The following CTNNA3 variants were observed in gnomAD, a reference collection of about 807,000 sequenced individuals.
The protein encoded by CTNNA3 is catenin alpha-3.
CTNNA3 carries 76 observed loss-of-function variants against 95.7 expected under a neutral mutation model. That is an observed-to-expected ratio of 0.79 (90% CI 0.66 to 0.96). The LOEUF (loss-of-function observed/expected upper bound fraction) is 0.96. CTNNA3 is among the 40% of genes least tolerant of loss of function. The pLI, the probability that CTNNA3 is intolerant of heterozygous loss-of-function variation, is 0.00. For missense variants in CTNNA3, 1,191 were observed against 1,089.8 expected (o/e 1.09, Z -1.31); for synonymous variants, 431 against 374.4 (o/e 1.15, Z -1.74).
chr10:66,628,710 C>T (rs1360996796), intron 9 of CTNNA3, among the ~76,000 whole-genome samples: 2 of 152,058 alleles, frequency 1.3e-5, no homozygotes, highest in Non-Finnish European at 2.9e-5. Flanking sequence ...CCCTTGGACA[C>T]AGTAGTAAGT....
intron 1 of CTNNA3, chr10:67,648,830 GAC>G (rs765047387): frequency 3.2e-5 from 41 of 1,270,320 alleles, no homozygotes; most frequent in Non-Finnish European, 4.2e-5. Context: ...CAATGTAAGA[GAC>G]ACGCTTCAAG....
In CTNNA3 at chr10:66,690,165, T is replaced by C. The variant is rs2132533086; in HGVS notation, c.1282-68381A>G. Among the ~76,000 whole-genome samples, 3 of 152,202 alleles carry C rather than the reference T, an allele frequency of 2.0e-5. No individual in the cohort carries two copies. In the East Asian group the frequency reaches 5.8e-4, roughly 29 times the overall value. On this transcript the variant is annotated intron_variant, in intron 9 of 17. Transcript: ENST00000433211. ...CTGGGAGTATGCATGTATATGTGTG[T>C]ATTTGGGTATATGTTGAATGAAGGT...
intron 10 of CTNNA3, among the ~76,000 whole-genome samples, chr10:66,553,762 C>T (rs1431372672): frequency 1.3e-5 from 2 of 151,638 alleles, no homozygotes; most frequent in Non-Finnish European, 1.5e-5. Flanking sequence ...CTCCTGACCT[C>T]GTGATCCACC....
At position 67,149,044 on chromosome 10, in the gene CTNNA3, T is replaced by A. The variant is rs531899737; in HGVS notation, c.1047+31273A>T. Among the ~76,000 whole-genome samples the A allele has an allele frequency of 3.1e-3, 479 of 152,350 alleles. 2 individuals carry two copies. The highest frequency in any genetic ancestry group is 0.011 in the African/African-American group (458 of 41,586). ...GTGACCATTGTTAACAACACTCAGGTAATGTGAAAGGCAAGAAAAGCAGGG... is the reference window on the plus strand; with the variant it reads ...GTGACCATTGTTAACAACACTCAGGAAATGTGAAAGGCAAGAAAAGCAGGG... On this transcript the variant is annotated intron_variant, in intron 7 of 17. Transcript: ENST00000433211.
At chr10:66,481,696 C>A (rs4314951) in intron 11 of CTNNA3, among the ~76,000 whole-genome samples, 23,571 of 149,550 alleles carry the variant, frequency 0.16, 5,090 homozygotes, top group East Asian at 0.82. Flanking sequence ...TGGTCTCGAT[C>A]TCCTGACCTC....
At chr10:67,287,020 C>T (rs1324233672) in intron 5 of CTNNA3, among the ~76,000 whole-genome samples, 4 of 152,018 alleles carry the variant, frequency 2.6e-5, no homozygotes, top group Admixed American at 6.6e-5. Flanking sequence ...TTCTGCTGAG[C>T]GACTCCATGG....
intron 7 of CTNNA3, among the ~76,000 whole-genome samples, chr10:67,157,104 A>G (rs555795328): frequency 1.3e-5 from 2 of 152,172 alleles, no homozygotes; most frequent in Non-Finnish European, 2.9e-5. Flanking sequence ...AGTTAGAGCA[A>G]TTAGGCAAGA....
intron 5 of CTNNA3, among the ~76,000 whole-genome samples, chr10:67,287,506 G>A (rs1839654446): frequency 6.6e-6 from 1 of 152,048 alleles, no homozygotes; most frequent in Non-Finnish European, 1.5e-5. Flanking sequence ...TATTGTGTAT[G>A]TTCACCATAA....
chr10:67,234,525 C>A (rs1473462895), intron 5 of CTNNA3, among the ~76,000 whole-genome samples: 1 of 152,082 alleles, frequency 6.6e-6, no homozygotes, highest in South Asian at 2.1e-4. Context: ...AAATAATAAG[C>A]ACTATCTATG....
chr10:66,647,786 T>C (rs1043730747), intron 9 of CTNNA3, among the ~76,000 whole-genome samples: 1 of 152,084 alleles, frequency 6.6e-6, no homozygotes, highest in African/African-American at 2.4e-5. Context: ...CCCCAAGTAC[T>C]GGGATTACAG....
intron 3 of CTNNA3, among the ~76,000 whole-genome samples, chr10:67,558,900 G>A (rs1841364166): frequency 6.6e-6 from 1 of 152,232 alleles, no homozygotes; most frequent in Admixed American, 6.5e-5. Context: ...ACATCAGGCT[G>A]AGATCAAACT....
chr10:66,598,717 A>G (rs746839269), intron 10 of CTNNA3, among the ~76,000 whole-genome samples: 1 of 152,030 alleles, frequency 6.6e-6, no homozygotes, highest in Non-Finnish European at 1.5e-5. Flanking sequence ...GGATACTAAA[A>G]ACTAGAAAAA....
At chr10:66,991,588 G>T (rs968153795) in intron 7 of CTNNA3, among the ~76,000 whole-genome samples, 1 of 152,116 alleles carries the variant, frequency 6.6e-6, no homozygotes, top group Non-Finnish European at 1.5e-5. Context: ...TTTCGCTCTT[G>T]TTGCCCAGGC....
intron 1 of CTNNA3, among the ~76,000 whole-genome samples, chr10:67,721,555 C>A (rs984064027): frequency 7.9e-5 from 12 of 152,228 alleles, no homozygotes; most frequent in African/African-American, 2.9e-4. Flanking sequence ...TTAGCAATTC[C>A]TCTAACCTTT....
chr10:66,085,334 C>T (rs151143201), intron 14 of CTNNA3, among the ~76,000 whole-genome samples: 4 of 152,086 alleles, frequency 2.6e-5, no homozygotes, highest in African/African-American at 9.6e-5. Context: ...ATTGAGAAGG[C>T]ACTGAGGTAG....
chr10:66,787,689 G>T (rs953242394), intron 7 of CTNNA3, among the ~76,000 whole-genome samples: 7 of 152,160 alleles, frequency 4.6e-5, no homozygotes, highest in Admixed American at 2.0e-4. Flanking sequence ...GTAGAAATTG[G>T]TAGCAAAAGA....
chr10:66,534,694 A>G (rs1255173631), intron 10 of CTNNA3, among the ~76,000 whole-genome samples: 3 of 150,116 alleles, frequency 2.0e-5, no homozygotes, highest in Non-Finnish European at 4.4e-5. Context: ...AAAATTATTC[A>G]GTAAATTATA....
At chr10:66,813,703 G>A (rs1374210964) in intron 7 of CTNNA3, among the ~76,000 whole-genome samples, 1 of 152,088 alleles carries the variant, frequency 6.6e-6, no homozygotes, top group Non-Finnish European at 1.5e-5. Flanking sequence ...GCCCTTGAAG[G>A]GATCATAGTC....
At chr10:66,083,995 TGTG>T (rs1368776122) in intron 14 of CTNNA3, among the ~76,000 whole-genome samples, 1 of 151,186 alleles carries the variant, frequency 6.6e-6, no homozygotes, top group Non-Finnish European at 1.5e-5. Context: ...ATTAGCCAGG[TGTG>T]GTGGTGCATG....
Sources: allele counts gnomAD v4.1 joint callset (sites outside exome capture counted in the v4.1 genomes callset), GRCh38; gene constraint gnomAD v4.1.1; transcripts MANE v1.5; gene names NCBI Gene and HGNC (gene_info 2026-07-23, HGNC 2026-07-21).